The following MECOM variants were observed in gnomAD, a reference collection of about 807,000 sequenced individuals.
MECOM encodes the protein MDS1 and EVI1 complex locus.
MECOM carries 13 observed loss-of-function variants against 116.3 expected under a neutral mutation model. That is an observed-to-expected ratio of 0.11 (90% CI 0.07 to 0.18). The LOEUF (loss-of-function observed/expected upper bound fraction) is 0.18. Among genes scored for constraint, MECOM ranks in the 10% least tolerant of loss-of-function variants. The pLI is 1.00. For synonymous variants in MECOM, 528 were observed against 535.2 expected (o/e 0.99, Z 0.19); for missense variants, 1,299 against 1,509.0 (o/e 0.86, Z 2.31).
At chr3:169,483,327 T>C (rs1006064700) in intron 1 of MECOM, among the ~76,000 whole-genome samples, 30 of 151,040 alleles carry the variant, frequency 2.0e-4, no homozygotes, top group African/African-American at 7.0e-4. Context: ...CCCTGAATCA[T>C]TGAGAAAAGC....
intron 2 of MECOM, among the ~76,000 whole-genome samples, chr3:169,195,097 C>A (rs1243401408): frequency 6.6e-6 from 1 of 152,086 alleles, no homozygotes; most frequent in Non-Finnish European, 1.5e-5. Context: ...TTTGCATGAA[C>A]TTTTTGTGAT....
intron 1 of MECOM, among the ~76,000 whole-genome samples, chr3:169,552,202 A>G (rs1761489517): frequency 6.6e-6 from 1 of 151,760 alleles, no homozygotes; most frequent in South Asian, 2.1e-4. Context: ...TATCACAATA[A>G]AAAGAAATTT....
chr3:169,248,739 T>C (rs1405064885), intron 2 of MECOM, among the ~76,000 whole-genome samples: 1 of 152,090 alleles, frequency 6.6e-6, no homozygotes. Flanking sequence ...AGAGAAATGT[T>C]GGAAACACAA....
intron 1 of MECOM, among the ~76,000 whole-genome samples, chr3:169,493,625 G>T (rs1418150368): frequency 6.6e-6 from 1 of 151,606 alleles, no homozygotes; most frequent in South Asian, 2.1e-4. Context: ...TTATATACTG[G>T]GTAACTGAAG....
intron 1 of MECOM, among the ~76,000 whole-genome samples, chr3:169,531,841 T>A (rs1192349496): frequency 6.6e-6 from 1 of 152,196 alleles, no homozygotes; most frequent in Non-Finnish European, 1.5e-5. Context: ...CCAACTGGAT[T>A]CCCTTTTGTA....
intron 2 of MECOM, among the ~76,000 whole-genome samples, chr3:169,176,197 C>T (rs1218184709): frequency 6.6e-6 from 1 of 151,696 alleles, no homozygotes; most frequent in East Asian, 1.9e-4. Context: ...TTCTGTTGGG[C>T]CTCATTTAAA....
intron 2 of MECOM, among the ~76,000 whole-genome samples, chr3:169,330,836 T>C (rs1036742481): frequency 6.6e-5 from 10 of 152,074 alleles, no homozygotes; most frequent in African/African-American, 1.9e-4. Flanking sequence ...ACTTCGATAA[T>C]AAAGCTTTCA....
intron 1 of MECOM, among the ~76,000 whole-genome samples, chr3:169,442,423 T>C (rs1743887702): frequency 6.6e-6 from 1 of 152,206 alleles, no homozygotes; most frequent in Middle Eastern, 3.2e-3. Context: ...AGAGTTTTAA[T>C]AGTCTGCTTT....
At chr3:169,433,961 A>C (rs1742204396) in intron 1 of MECOM, among the ~76,000 whole-genome samples, 1 of 152,166 alleles carries the variant, frequency 6.6e-6, no homozygotes, top group African/African-American at 2.4e-5. Flanking sequence ...TCTGGGAAAA[A>C]AAAGGGTTTA....
chr3:169,521,182 G>T (rs1757313330), intron 1 of MECOM, among the ~76,000 whole-genome samples: 1 of 152,082 alleles, frequency 6.6e-6, no homozygotes, highest in Non-Finnish European at 1.5e-5. Context: ...AGGCTGGTTG[G>T]GTCCAGAGTT....
chr3:169,595,773 G>A (rs1047446954), intron 1 of MECOM, among the ~76,000 whole-genome samples: 1 of 152,124 alleles, frequency 6.6e-6, no homozygotes, highest in Non-Finnish European at 1.5e-5. Context: ...GCAGTTACTT[G>A]GCTATAGGAT....
chr3:169,353,888 C>T (rs1276246674), intron 2 of MECOM, among the ~76,000 whole-genome samples: 2 of 151,786 alleles, frequency 1.3e-5, no homozygotes, highest in Non-Finnish European at 2.9e-5. Flanking sequence ...CATTTCCCCC[C>T]AGTTCTTTTG....
At chr3:169,198,373 G>A (rs1467910335) in intron 2 of MECOM, among the ~76,000 whole-genome samples, 2 of 151,988 alleles carry the variant, frequency 1.3e-5, no homozygotes, top group African/African-American at 4.8e-5. Context: ...ATAAAAACAG[G>A]TGGAGGAAAT....
intron 1 of MECOM, among the ~76,000 whole-genome samples, chr3:169,506,908 A>G (rs1355346039): frequency 6.6e-6 from 1 of 152,126 alleles, no homozygotes; most frequent in Non-Finnish European, 1.5e-5. Flanking sequence ...CTCTTTTCTA[A>G]GTCATGATGG....
intron 2 of MECOM, among the ~76,000 whole-genome samples, chr3:169,325,380 A>G (rs143818389): frequency 4.8e-4 from 73 of 152,328 alleles, no homozygotes; most frequent in South Asian, 1.2e-3. Flanking sequence ...CCATGACATA[A>G]CAACTGAAAA....
intron 1 of MECOM, among the ~76,000 whole-genome samples, chr3:169,529,231 G>A (rs1008930838): frequency 6.6e-6 from 1 of 151,326 alleles, no homozygotes; most frequent in African/African-American, 2.4e-5. Flanking sequence ...CAATCCACCA[G>A]GGACTATCAC....
chr3:169,206,362 C>T (rs1241677685), intron 2 of MECOM, among the ~76,000 whole-genome samples: 1 of 152,098 alleles, frequency 6.6e-6, no homozygotes, highest in Non-Finnish European at 1.5e-5. Flanking sequence ...TCTTGATCAT[C>T]CCAAAAGGTA....
At chr3:169,514,309 AAG>A (rs979182725) in intron 1 of MECOM, among the ~76,000 whole-genome samples, 5 of 151,766 alleles carry the variant, frequency 3.3e-5, no homozygotes, top group South Asian at 2.1e-4. Context: ...TCAAAAAAAA[AAG>A]AGAGAGAGAG....
chr3:169,419,442 T>C (rs904659345), intron 1 of MECOM, among the ~76,000 whole-genome samples: 1 of 152,066 alleles, frequency 6.6e-6, no homozygotes, highest in Non-Finnish European at 1.5e-5. Context: ...GCCAAGACCA[T>C]CCTAAGCAAA....
Sources: gnomAD v4.1 joint callset for allele counts (sites outside exome capture counted in the v4.1 genomes callset) on GRCh38, gnomAD v4.1.1 for gene constraint, MANE v1.5 for transcripts, NCBI Gene and HGNC (gene_info 2026-07-23, HGNC 2026-07-21) for gene names.